MAPK8IP3: variants seen among roughly 807,000 people sequenced by gnomAD.
MAPK8IP3 encodes the protein C-Jun-amino-terminal kinase-interacting protein 3.
MAPK8IP3 carries 49 observed loss-of-function variants against 157.8 expected under a neutral mutation model. The observed-to-expected ratio is 0.31, with a 90% CI of 0.25 to 0.39. MAPK8IP3 has a LOEUF of 0.39. Among genes scored for constraint, MAPK8IP3 ranks in the 10% least tolerant of loss-of-function variants. The probability of loss-of-function intolerance (pLI) is 1.00; values close to 1 mark genes in which losing one functional copy is unlikely to be tolerated. For missense variants in MAPK8IP3, 1,478 were observed against 1,889.4 expected (o/e 0.78, Z 4.04); for synonymous variants, 897 against 777.7 (o/e 1.15, Z -2.55).
chr16:1,735,822 ACCGT>A lies in MAPK8IP3; in HGVS notation c.602+6249_602+6252del, dbSNP rs537881331. 2.6e-4 allele frequency among the ~76,000 whole-genome samples: 34 copies of A among 130,892 alleles called. No homozygotes were observed. In the East Asian group the frequency reaches 5.9e-3, roughly 23 times the overall value. 85.9% of individuals were successfully genotyped at this position (130,892 alleles called of 152,430 possible). A position where few individuals can be genotyped will look rare whatever the true frequency, so the allele number is the denominator to read the frequency against. ...GAGCATCTGTGTGACCATCCGTGTG[ACCGT>A]CCGTGTGAGAGCGTGACCGCCCGTG... On this transcript the variant is annotated intron_variant, in intron 4 of 31. Transcript: ENST00000610761.
intron 8 of MAPK8IP3, among the ~76,000 whole-genome samples, chr16:1,754,375 C>T (rs1487038283): frequency 2.0e-5 from 3 of 152,160 alleles, no homozygotes; most frequent in East Asian, 1.9e-4. Context: ...CATTGCTGAG[C>T]GGAATCTGGA....
Position 1,742,126 on chromosome 16 carries a change from T to C in MAPK8IP3, c.603-1206T>C, listed in dbSNP as rs757021907. Among the ~76,000 whole-genome samples, 3 of 152,188 alleles carry C rather than the reference T, an allele frequency of 2.0e-5. No homozygotes were observed. The highest frequency in any genetic ancestry group is 2.9e-5 in the Non-Finnish European group (2 of 68,024). ...TCTTAATTCTTGTCCTGAATAGCCC[T>C]GAGCAGTGTGGGCTCCAGCATCTGA... On this transcript the variant is annotated intron_variant, in intron 4 of 31. Transcript: ENST00000610761. The surrounding 1 kb of genome is among the most constrained non-coding windows in gnomAD (Gnocchi z 5.0).
intron 1 of MAPK8IP3, among the ~76,000 whole-genome samples, chr16:1,715,415 C>A (rs1002480319): frequency 3.3e-5 from 5 of 152,198 alleles, no homozygotes; most frequent in Non-Finnish European, 1.5e-5. Context: ...AGAGCTCTGA[C>A]TGCCCCCTGC....
At chr16:1,732,887 T>C (rs568893878) in intron 4 of MAPK8IP3, among the ~76,000 whole-genome samples, 41 of 152,018 alleles carry the variant, frequency 2.7e-4, no homozygotes, top group African/African-American at 8.7e-4. Flanking sequence ...TGGAGCACCA[T>C]GAGAACTACA....
At chr16:1,735,829 G>A (rs1254460456) in intron 4 of MAPK8IP3, among the ~76,000 whole-genome samples, 29 of 143,564 alleles carry the variant, frequency 2.0e-4, no homozygotes, top group Middle Eastern at 4.4e-3. Context: ...GTGACCGTCC[G>A]TGTGAGAGCG....
intron 8 of MAPK8IP3, chr16:1,748,961 GT>G: frequency 7.5e-6 from 5 of 664,770 alleles, no homozygotes; most frequent in South Asian, 7.0e-5. Context: ...CTCTGAAGTG[GT>G]GTAGTGTTTG....
At position 1,760,519 on chromosome 16, in the gene MAPK8IP3, G is replaced by C; in HGVS notation, c.1444G>C (p.Glu482Gln). 1.9e-6 allele frequency: 3 copies of C among 1,613,284 alleles called. No homozygotes were observed. Among genetic ancestry groups the C allele is most frequent in the Non-Finnish European group, 2.5e-6 (3 of 1,179,440 alleles). Residue 482 changes from glutamate (E) to glutamine (Q), a missense_variant, in exon 12 of 32, where the codon GAG (glutamate) becomes CAG (glutamine). Around this residue, in one of 11 missense-constraint regions of MAPK8IP3, gnomAD observed 96 missense variants for 106.3 expected, o/e 0.90. Transcript: ENST00000610761. ...KLENRIKELE[E>Q]ELKRVKSEAI... ...GGAAAACCGTATCAAGGAGCTGGAA[G>C]AGGAACTGAAAAGGTGAGGGCAGGG...
chr16:1,717,251 A>AAG (rs1555442854), intron 1 of MAPK8IP3, among the ~76,000 whole-genome samples: 32 of 147,888 alleles, frequency 2.2e-4, no homozygotes, highest in African/African-American at 5.1e-4. Context: ...AAAAAAAAAA[A>AAG]AAAGAAAGAA....
intron 1 of MAPK8IP3, chr16:1,707,211 G>A (rs1430392404): frequency 6.5e-6 from 1 of 152,858 alleles, no homozygotes; most frequent in South Asian, 2.0e-4. Flanking sequence ...GCCGTCTGTG[G>A]ATGATGTTGG....
intron 1 of MAPK8IP3, among the ~76,000 whole-genome samples, chr16:1,709,604 G>A (rs2037631856): frequency 6.6e-6 from 1 of 152,252 alleles, no homozygotes; most frequent in South Asian, 2.1e-4. Context: ...CTGATACAAA[G>A]TTTTTTAAAA....
rs1261691213 is a variant in MAPK8IP3, at chr16:1,743,793, C to T, written c.747+317C>T. ...GCCTGTCAGGGTTGAGCTTAGTGAT[C>T]CTCTCTCAAACCACACCCCCACATA... On this transcript the variant is annotated intron_variant, in intron 5 of 31. Coordinates refer to ENST00000610761, the MANE Select transcript of MAPK8IP3 (RefSeq NM_001318852.2). The surrounding 1 kb of genome is among the most constrained non-coding windows in gnomAD (Gnocchi z 5.6). The T allele has an allele frequency of 8.0e-7, 1 of 1,252,410 alleles. No individual in the cohort carries two copies. The highest frequency in any genetic ancestry group is 1.0e-6 in the Non-Finnish European group (1 of 996,870). The allele number at this position is 1,252,410 out of a possible 1,614,324, so 77.6% of individuals were successfully genotyped here.
Position 1,769,084 on chromosome 16 carries a change from CCCAGAGTCCTCAAGT to C in MAPK8IP3, c.*265_*279del. 1.9e-6 allele frequency: 1 copy of C among 526,730 alleles called. No homozygotes were observed. Among genetic ancestry groups the C allele is most frequent in the East Asian group, 3.4e-5 (1 of 29,438 alleles). The allele number at this position is 526,730 out of a possible 1,614,324, so 32.6% of individuals were successfully genotyped here. On this transcript the variant is annotated 3_prime_UTR_variant, in exon 32 of 32. Transcript: ENST00000610761. The stretch of plus-strand genomic sequence containing the variant: ...CGGGCAGCTCCTGGCCAGCTTCCAG[CCCAGAGTCCTCAAGT>C]CCAGGGCACCTTGGGCCCAGCGCAG...
chr16:1,725,569 GTGAGCCAAGATCGTGCCACTGCAC>G (rs1323526079), intron 2 of MAPK8IP3, among the ~76,000 whole-genome samples: 1 of 151,814 alleles, frequency 6.6e-6, no homozygotes, highest in African/African-American at 2.4e-5. Context: ...GGAGGTTGCA[GTGAGCCAAGATCGTGCCACTGCAC>G]TCTAGCCTGG....
intron 17 of MAPK8IP3, 131 bp downstream of exon 17, chr16:1,763,914 G>A: frequency 1.9e-6 from 2 of 1,052,552 alleles, no homozygotes; most frequent in Non-Finnish European, 1.3e-6. Context: ...GGTGGGGCGG[G>A]GCCTGGCAGG....
In MAPK8IP3 at chr16:1,724,515, C is replaced by T; in HGVS notation, c.319-42C>T. 6.2e-7 allele frequency: 1 copy of T among 1,601,344 alleles called. No homozygotes were observed. Among genetic ancestry groups the T allele is most frequent in the Non-Finnish European group, 8.5e-7 (1 of 1,172,738 alleles). On this transcript the variant is annotated intron_variant, in intron 1 of 31. Coordinates refer to ENST00000610761, the MANE Select transcript of MAPK8IP3 (RefSeq NM_001318852.2). This position sits in a 1 kb window ranked among gnomAD's most constrained non-coding sequence, Gnocchi z 4.1. ...TCAAGTGAAAGGCGGCTGCTCCACA[C>T]TCACTCCTGATGACTGCTCTTTCCC...
chr16:1,740,872 A>C (rs1367852622), intron 4 of MAPK8IP3, among the ~76,000 whole-genome samples: 2 of 152,158 alleles, frequency 1.3e-5, no homozygotes, highest in Non-Finnish European at 2.9e-5. Context: ...GGCCACATTC[A>C]CGAGACTGAC....
At chr16:1,725,761 G>A (rs1435853392) in intron 2 of MAPK8IP3, among the ~76,000 whole-genome samples, 5 of 151,994 alleles carry the variant, frequency 3.3e-5, no homozygotes, top group East Asian at 1.9e-4. Context: ...GCAATGGTGC[G>A]ATCTCAGCTC....
chr16:1,736,264 GCGTGTGACCATCCATGTGAGCATC>G, intron 4 of MAPK8IP3, among the ~76,000 whole-genome samples: 1 of 85,302 alleles, frequency 1.2e-5, no homozygotes, highest in Non-Finnish European at 2.4e-5. Flanking sequence ...GTCCGTGTGA[GCGTGTGACCATCCATGTGAGCATC>G]CGTGTGACCG....
Position 1,761,274 on chromosome 16 carries a change from A to C in MAPK8IP3, c.1508A>C (p.Glu503Ala). Residue 503 changes from glutamate (E) to alanine (A), a missense_variant, in exon 13 of 32, where the codon GAG becomes GCG. Around this residue, in one of 11 missense-constraint regions of MAPK8IP3, gnomAD observed 96 missense variants for 106.3 expected, o/e 0.90. Coordinates refer to ENST00000610761, the MANE Select transcript of MAPK8IP3 (RefSeq NM_001318852.2). Reference protein sequence around the residue: ...IARREPKEEAEDVSSYLCTES... With the variant: ...IARREPKEEAADVSSYLCTES... ...CGCCGTGAACCCAAAGAAGAGGCGG[A>C]GGATGTAAGCAGCTATCTCTGTACA... The C allele has an allele frequency of 6.2e-7, 1 of 1,613,730 alleles. No homozygotes were observed. The highest frequency in any genetic ancestry group is 1.7e-5 in the Admixed American group (1 of 60,022).
Sources: gnomAD v4.1 joint callset for allele counts (sites outside exome capture counted in the v4.1 genomes callset) on GRCh38, gnomAD v4.1.1 for gene constraint, gnomAD v4.1.1 regional missense constraint, Gnocchi (gnomAD v3.1) non-coding constraint, MANE v1.5 for transcripts, NCBI Gene and HGNC (gene_info 2026-07-23, HGNC 2026-07-21) for gene names.